Variants in CDC42BPA observed in about 807,000 individuals in gnomAD.
The protein encoded by CDC42BPA is CDC42 binding protein kinase alpha.
In CDC42BPA, 80 loss-of-function variants were observed where a neutral mutation model predicts 223.5. The ratio of observed to expected loss-of-function variants is 0.36; its 90% confidence interval spans 0.30 to 0.43. The LOEUF (loss-of-function observed/expected upper bound fraction) is 0.43. Ranked by LOEUF, CDC42BPA falls within the 20% of genes least tolerant of loss-of-function variation. CDC42BPA has a pLI of 1.00. For missense variants in CDC42BPA, 1,743 were observed against 2,099.9 expected (o/e 0.83, Z 3.32); for synonymous variants, 694 against 718.6 (o/e 0.97, Z 0.55).
intron 10 of CDC42BPA, among the ~76,000 whole-genome samples, chr1:227,133,377 C>T (rs542824367): frequency 5.6e-4 from 83 of 147,662 alleles, no homozygotes; most frequent in African/African-American, 2.0e-3. Context: ...CTGCCCCATC[C>T]GGGAGGTGAG....
At chr1:227,075,834 T>C (rs1056307678) in intron 17 of CDC42BPA, among the ~76,000 whole-genome samples, 8 of 152,202 alleles carry the variant, frequency 5.3e-5, no homozygotes, top group Admixed American at 1.3e-4. Context: ...GTATCTACCA[T>C]GGCTCAGAGA....
chr1:227,242,262 A>G (rs958492124), intron 2 of CDC42BPA, among the ~76,000 whole-genome samples: 2 of 152,154 alleles, frequency 1.3e-5, no homozygotes, highest in African/African-American at 4.8e-5. Flanking sequence ...CAAGAAGGAA[A>G]AAGAGTAATC....
At chr1:227,071,157 G>A (rs7549520) in intron 20 of CDC42BPA, among the ~76,000 whole-genome samples, 1 of 151,544 alleles carries the variant, frequency 6.6e-6, no homozygotes, top group Non-Finnish European at 1.5e-5. Context: ...ATTGAGCATC[G>A]ACTATTTGTA....
intron 7 of CDC42BPA, 58 bp downstream of exon 7, chr1:227,147,301 G>C: frequency 2.5e-6 from 3 of 1,202,314 alleles, no homozygotes; most frequent in Non-Finnish European, 3.5e-6. Context: ...CTTTAAAAAT[G>C]GTTTTATTAT....
At chr1:227,151,802 T>C (rs1427307058) in intron 6 of CDC42BPA, among the ~76,000 whole-genome samples, 1 of 141,212 alleles carries the variant, frequency 7.1e-6, no homozygotes, top group Non-Finnish European at 1.5e-5. Context: ...CCCAGCACTT[T>C]GGGAGGCTGA....
chr1:227,198,477 A>AG (rs1671144352), intron 4 of CDC42BPA, among the ~76,000 whole-genome samples: 4 of 102,804 alleles, frequency 3.9e-5, no homozygotes, highest in African/African-American at 1.0e-4. Flanking sequence ...AAAGAAAGAA[A>AG]AAAAATGTTG....
intron 30 of CDC42BPA, among the ~76,000 whole-genome samples, chr1:227,027,714 T>A (rs1176491454): frequency 6.6e-6 from 1 of 152,188 alleles, no homozygotes; most frequent in African/African-American, 2.4e-5. Context: ...CCATGCTCTG[T>A]GGGGTTAAGA....
intron 23 of CDC42BPA, 49 bp from the exon 24 acceptor site, chr1:227,040,285 CATA>C (rs772344928): frequency 1.7e-6 from 2 of 1,208,090 alleles, no homozygotes; most frequent in Non-Finnish European, 2.5e-6. Flanking sequence ...AAAAGATTTC[CATA>C]ATGTGAGTCC....
chr1:227,237,084 T>C, intron 2 of CDC42BPA, among the ~76,000 whole-genome samples: 1 of 151,320 alleles, frequency 6.6e-6, no homozygotes, highest in East Asian at 1.9e-4. Flanking sequence ...ATATGTATTC[T>C]TTCCTATGTT....
chr1:227,296,037 C>T (rs1206472969), intron 1 of CDC42BPA, among the ~76,000 whole-genome samples: 1 of 152,186 alleles, frequency 6.6e-6, no homozygotes, highest in African/African-American at 2.4e-5. Context: ...CAATATGGAA[C>T]TGCAAGGAGC....
chr1:227,207,863 T>C (rs1370378383), intron 3 of CDC42BPA, among the ~76,000 whole-genome samples: 4 of 117,496 alleles, frequency 3.4e-5, no homozygotes, highest in African/African-American at 1.4e-4. Flanking sequence ...TGATTTATAG[T>C]CCTTTGGGTA....
intron 14 of CDC42BPA, among the ~76,000 whole-genome samples, chr1:227,108,290 G>A (rs1295112634): frequency 6.6e-6 from 1 of 151,946 alleles, no homozygotes; most frequent in African/African-American, 2.4e-5. Flanking sequence ...TGTAAGTTCT[G>A]GTGTATTGTA....
At chr1:227,205,945 G>T (rs1268425019) in intron 3 of CDC42BPA, among the ~76,000 whole-genome samples, 3 of 152,132 alleles carry the variant, frequency 2.0e-5, no homozygotes, top group Non-Finnish European at 4.4e-5. Context: ...GCTACTCCCA[G>T]GCTAAGGTGG....
At chr1:227,124,022 T>C (rs930230592) in intron 11 of CDC42BPA, among the ~76,000 whole-genome samples, 2 of 152,122 alleles carry the variant, frequency 1.3e-5, no homozygotes, top group Non-Finnish European at 2.9e-5. Flanking sequence ...TACAAAAATA[T>C]TAAATGAGGT....
At chr1:227,060,676 T>C (rs2148952691) in intron 21 of CDC42BPA, among the ~76,000 whole-genome samples, 1 of 151,552 alleles carries the variant, frequency 6.6e-6, no homozygotes, top group Middle Eastern at 3.5e-3. Flanking sequence ...AAAAATTCAG[T>C]ATTAGTGTTA....
rs746535354 is a variant in CDC42BPA, at chr1:227,033,326, A to T, written c.3558+8T>A. Reference sequence around the variant, plus strand: ...ATTCAGTGATCAAATTACAGCATACACACTTACCCTAAATATACAGGGTAT... The same window carrying T: ...ATTCAGTGATCAAATTACAGCATACTCACTTACCCTAAATATACAGGGTAT... On this transcript the variant is annotated splice_region_variant and intron_variant, in intron 27 of 36. Transcript: ENST00000366766. 1.6e-5 allele frequency: 26 copies of T among 1,577,758 alleles called. No homozygotes were observed. In the South Asian group the frequency reaches 2.8e-4, roughly 17 times the overall value.
intron 34 of CDC42BPA, chr1:227,010,793 T>C: frequency 1.3e-6 from 1 of 749,158 alleles, no homozygotes; most frequent in Non-Finnish European, 1.8e-6. Flanking sequence ...GATGGCACCA[T>C]TTCAGCGGTG....
chr1:227,196,783 T>C (rs1161182471), intron 4 of CDC42BPA, among the ~76,000 whole-genome samples: 1 of 152,226 alleles, frequency 6.6e-6, no homozygotes, highest in Non-Finnish European at 1.5e-5. Context: ...ACAAGTTACA[T>C]ATGTCAGTGC....
At chr1:227,278,532 C>G (rs1687497095) in intron 1 of CDC42BPA, among the ~76,000 whole-genome samples, 1 of 152,128 alleles carries the variant, frequency 6.6e-6, no homozygotes, top group Non-Finnish European at 1.5e-5. Flanking sequence ...TTAAAATTCC[C>G]TTTTGTTTCT....
Sources: gnomAD v4.1 joint callset for allele counts (sites outside exome capture counted in the v4.1 genomes callset) on GRCh38, gnomAD v4.1.1 for gene constraint, MANE v1.5 for transcripts, NCBI Gene and HGNC (gene_info 2026-07-23, HGNC 2026-07-21) for gene names.